The following PITPNM2 variants were observed in gnomAD, a reference collection of about 807,000 sequenced individuals.
The protein encoded by PITPNM2 is phosphatidylinositol transfer protein membrane associated 2, also known as membrane-associated phosphatidylinositol transfer protein 2.
In PITPNM2, 35 loss-of-function variants were observed where a neutral mutation model predicts 132.2. That is an observed-to-expected ratio of 0.26 (90% CI 0.20 to 0.35). The LOEUF (loss-of-function observed/expected upper bound fraction) is 0.35, where lower values mean the gene tolerates loss of function less well. PITPNM2 is among the 10% of genes least tolerant of loss of function. PITPNM2 has a pLI of 1.00. For missense variants in PITPNM2, 1,332 were observed against 1,912.0 expected, an observed-to-expected ratio of 0.70 and a Z score of 5.66; for synonymous variants, 738 against 799.2, an observed-to-expected ratio of 0.92 and a Z score of 1.29.
rs2041813667 is a variant in PITPNM2 at position 123,077,095 on chromosome 12, A to T, written c.-96+33290T>A. 6.6e-6 allele frequency among the ~76,000 whole-genome samples: 1 copy of T among 152,114 alleles called. No individual in the cohort carries two copies. Among genetic ancestry groups the T allele is most frequent in the Non-Finnish European group, 1.5e-5 (1 of 68,024 alleles). Reference sequence around the variant, plus strand: ...GGGGATGGGGAAGAAATGATGCAGAATGTTGACCCACTGGGCAGCAGGCTT... The same window carrying T: ...GGGGATGGGGAAGAAATGATGCAGATTGTTGACCCACTGGGCAGCAGGCTT... On this transcript the variant is annotated intron_variant, in intron 2 of 25. Transcript: ENST00000320201. This position sits in a 1 kb window ranked among gnomAD's most constrained non-coding sequence, Gnocchi z 4.8.
At chr12:123,101,595 G>A (rs2042564350) in intron 2 of PITPNM2, among the ~76,000 whole-genome samples, 1 of 152,156 alleles carries the variant, frequency 6.6e-6, no homozygotes, top group Non-Finnish European at 1.5e-5. Context: ...AGCACATAGT[G>A]CAGCTCAGGC....
chr12:123,048,658 C>T (rs1471431965), intron 2 of PITPNM2, among the ~76,000 whole-genome samples: 5 of 150,780 alleles, frequency 3.3e-5, no homozygotes, highest in Admixed American at 6.6e-5. Flanking sequence ...ATGATCCACC[C>T]GCCTCGGCCT....
chr12:123,056,499 A>C (rs2041030787), intron 2 of PITPNM2, among the ~76,000 whole-genome samples: 1 of 152,176 alleles, frequency 6.6e-6, no homozygotes, highest in Non-Finnish European at 1.5e-5. Context: ...CTCACCTTGG[A>C]CACTGCCTTC....
chr12:123,096,531 G>C (rs1015938905), intron 2 of PITPNM2, among the ~76,000 whole-genome samples: 8 of 152,172 alleles, frequency 5.3e-5, no homozygotes, highest in African/African-American at 1.9e-4. Context: ...TGGGGAGGGG[G>C]GCGAGGAATG....
rs777343644 is a variant in PITPNM2 at position 122,986,426 on chromosome 12, G to A, written c.3726+10C>T. On this transcript the variant is annotated intron_variant, in intron 25 of 25. Transcript: ENST00000320201. The stretch of plus-strand genomic sequence containing the variant: ...CCGCCTGCACCCGCCCCCACAATGC[G>A]CCCACTCACCTGGCACTGCTGCTGC... 1.7e-5 allele frequency: 27 copies of A among 1,567,510 alleles called. No homozygotes were observed. Among genetic ancestry groups the A allele is most frequent in the Admixed American group, 3.8e-5 (2 of 52,346 alleles).
rs2038817997 is a variant in PITPNM2 at position 123,004,214 on chromosome 12, C to A, written c.1048+180G>T. On this transcript the variant is annotated intron_variant, in intron 8 of 25. Transcript: ENST00000320201. This position sits in a 1 kb window ranked among gnomAD's most constrained non-coding sequence, Gnocchi z 4.9. ...AGGGAACAAGATGACCTCATCTCAT[C>A]CTCTGTGCACTGCCCCAAACACCAG... Among the ~76,000 whole-genome samples, 1 of 152,128 alleles carries A rather than the reference C, an allele frequency of 6.6e-6. No homozygotes were observed. Among genetic ancestry groups the A allele is most frequent in the Non-Finnish European group, 1.5e-5 (1 of 68,018 alleles).
rs555529638 is a variant in PITPNM2 at position 123,150,281 on chromosome 12, GAC to G, written c.-200+470_-200+471del. Reference sequence around the variant, plus strand: ...GGCCACACCCCAACCCTGGGCCCCCGACAAGCAGAGGCCACGGCCCGGGCCTG... The same window carrying G: ...GGCCACACCCCAACCCTGGGCCCCCGAAGCAGAGGCCACGGCCCGGGCCTG... On this transcript the variant is annotated intron_variant, in intron 1 of 25. Transcript: ENST00000320201. This position sits in a 1 kb window ranked among gnomAD's most constrained non-coding sequence, Gnocchi z 6.0. 1.5e-4 allele frequency among the ~76,000 whole-genome samples: 23 copies of G among 151,996 alleles called. No homozygotes were observed. In the South Asian group the frequency reaches 4.8e-3, roughly 31 times the overall value.
intron 1 of PITPNM2, among the ~76,000 whole-genome samples, chr12:123,139,722 G>C (rs1234288697): frequency 6.6e-6 from 1 of 152,104 alleles, no homozygotes; most frequent in East Asian, 1.9e-4. Flanking sequence ...TAAGCACCTA[G>C]GCAAGACTAT....
intron 2 of PITPNM2, among the ~76,000 whole-genome samples, chr12:123,044,372 G>A (rs1441919486): frequency 6.6e-6 from 1 of 152,200 alleles, no homozygotes; most frequent in Non-Finnish European, 1.5e-5. Context: ...TCAGCTTCTG[G>A]GGCATGCAGA....
rs781375599 is a variant in PITPNM2 at position 122,988,800 on chromosome 12, G to C, written c.2804C>G (p.Pro935Arg). 9.5e-6 allele frequency: 15 copies of C among 1,585,478 alleles called. No homozygotes were observed. In the South Asian group the frequency reaches 1.7e-4, roughly 18 times the overall value. Residue 935 changes from proline (P) to arginine (R), a missense_variant, in exon 19 of 26, where the codon CCC (proline) becomes CGC (arginine). By Grantham distance (103) the Pro-to-Arg change is moderately radical. Around this residue, in one of 6 missense-constraint regions of PITPNM2, gnomAD observed 251 missense variants for 472.0 expected, o/e 0.53. Transcript: ENST00000320201. ...LYCPDALTAFPTVALPHLFHA... is the reference protein window; with the variant it reads ...LYCPDALTAFRTVALPHLFHA... ...GAAGAGGTGAGGCAGAGCCACCGTG[G>C]GGAAGGCCGTGAGGGCGTCAGGGCA...
chr12:122,991,871 A>G, intron 16 of PITPNM2: 1 of 1,311,314 alleles, frequency 7.6e-7, no homozygotes, highest in African/African-American at 1.5e-5. Flanking sequence ...CTCCAGGACC[A>G]GCTCAGGGTT....
At chr12:123,137,344 A>T (rs1407033519) in intron 1 of PITPNM2, among the ~76,000 whole-genome samples, 1 of 152,126 alleles carries the variant, frequency 6.6e-6, no homozygotes, top group African/African-American at 2.4e-5. Context: ...TGGCAGATAG[A>T]ATCACAGGTG....
Position 122,995,669 on chromosome 12 carries a change from GC to G in PITPNM2, c.1783-10del, listed in dbSNP as rs764310809. 248 of 1,576,864 alleles carry G rather than the reference GC, an allele frequency of 1.6e-4. No homozygotes were observed. Among genetic ancestry groups the G allele is most frequent in the Admixed American group, 3.6e-4 (21 of 58,296 alleles). On this transcript the variant is annotated splice_polypyrimidine_tract_variant and intron_variant, in intron 13 of 25. Coordinates refer to ENST00000320201, the MANE Select transcript of PITPNM2 (RefSeq NM_020845.3). ...GACAGCAGGTCATTGTCCTGGAACG[GC>G]CCCGTGGAGGCTCACTGCCAGGTGG...
chr12:123,037,774 C>G (rs1025238161), intron 2 of PITPNM2, among the ~76,000 whole-genome samples: 2 of 152,202 alleles, frequency 1.3e-5, no homozygotes, highest in African/African-American at 4.8e-5. Flanking sequence ...TTAAATGTCT[C>G]CATCACCTCA....
chr12:123,098,894 T>A (rs956997160), intron 2 of PITPNM2, among the ~76,000 whole-genome samples: 1 of 152,190 alleles, frequency 6.6e-6, no homozygotes, highest in Non-Finnish European at 1.5e-5. Flanking sequence ...AAAGATACCA[T>A]GCACTTTGAG....
In PITPNM2 at chr12:122,986,085, C is replaced by T. The variant is rs1425881357; in HGVS notation, c.3992G>A (p.Cys1331Tyr). The T allele has an allele frequency of 2.8e-6, 4 of 1,439,216 alleles. No individual in the cohort carries two copies. Among genetic ancestry groups the T allele is most frequent in the Non-Finnish European group, 2.7e-6 (3 of 1,106,704 alleles). 89.2% of individuals were successfully genotyped at this position (1,439,216 alleles called of 1,614,324 possible). ...GCGGCCAGTCATGGCGCGGCCCCAG[C>T]AGCCGGCCGCCACACTCATGCTGCG... ...GQRSMSVAAG[C>Y]WGRAMTGRLE... Residue 1331 changes from cysteine (C) to tyrosine (Y), a missense_variant, in exon 26 of 26, where the codon TGC (cysteine) becomes TAC (tyrosine). Cys to Tyr is a radical substitution (Grantham distance 194). Coordinates refer to ENST00000320201, the MANE Select transcript of PITPNM2 (RefSeq NM_020845.3).
At position 122,992,665 on chromosome 12, in the gene PITPNM2, G is replaced by A; in HGVS notation, c.2238C>T (p.Phe746=). The A allele has an allele frequency of 1.3e-6, 2 of 1,555,580 alleles. No homozygotes were observed. The highest frequency in any genetic ancestry group is 1.7e-6 in the Non-Finnish European group (2 of 1,147,762). ...CTTGCTGGCAGGCCGGCCGCAGCTG[G>A]AAAACTGGGGGTGGGGGTGTTGGCT... ...RKTVIPALDV[F]QLRPACQQVY... is the part of the protein sequence containing the mutation. Residue 746 remains phenylalanine (F), a synonymous_variant, in exon 16 of 26, where the codon TTC becomes TTT. Transcript: ENST00000320201. This position sits in a 1 kb window ranked among gnomAD's most constrained non-coding sequence, Gnocchi z 6.5.
At chr12:123,079,598 C>T (rs1353092858) in intron 2 of PITPNM2, among the ~76,000 whole-genome samples, 2 of 151,986 alleles carry the variant, frequency 1.3e-5, no homozygotes, top group Non-Finnish European at 2.9e-5. Context: ...CCACCCATCT[C>T]GGCCTCCCAA....
intron 2 of PITPNM2, among the ~76,000 whole-genome samples, chr12:123,071,516 G>A (rs1038461304): frequency 1.3e-5 from 2 of 152,166 alleles, no homozygotes; most frequent in Admixed American, 6.5e-5. Context: ...GGGTACAAAC[G>A]GCTCGATGAT....
Sources: gnomAD v4.1 joint callset for allele counts (sites outside exome capture counted in the v4.1 genomes callset) on GRCh38, gnomAD v4.1.1 for gene constraint, gnomAD v4.1.1 regional missense constraint, Gnocchi (gnomAD v3.1) non-coding constraint, MANE v1.5 for transcripts, NCBI Gene and HGNC (gene_info 2026-07-23, HGNC 2026-07-21) for gene names.